Variants in IGF1R observed in about 807,000 individuals in gnomAD.
IGF1R encodes insulin like growth factor 1 receptor, also known as insulin-like growth factor 1 receptor.
In IGF1R, 44 loss-of-function variants were observed where a neutral mutation model predicts 144.6. The observed-to-expected ratio is 0.30, with a 90% CI of 0.24 to 0.39. The LOEUF is 0.39. Among genes scored for constraint, IGF1R ranks in the 10% least tolerant of loss-of-function variants. The pLI, the probability that IGF1R is intolerant of heterozygous loss-of-function variation, is 1.00. For synonymous variants in IGF1R, 795 were observed against 722.8 expected (o/e 1.10, Z -1.60); for missense variants, 1,355 against 1,833.7 (o/e 0.74, Z 4.77).
At chr15:98,790,101 G>C (rs950338394) in intron 2 of IGF1R, among the ~76,000 whole-genome samples, 10 of 152,168 alleles carry the variant, frequency 6.6e-5, no homozygotes, top group African/African-American at 2.2e-4. Context: ...AAAGAGGCCG[G>C]GACAGGTGAT....
chr15:98,860,885 T>C (rs1009129578), intron 2 of IGF1R, among the ~76,000 whole-genome samples: 1 of 152,194 alleles, frequency 6.6e-6, no homozygotes, highest in African/African-American at 2.4e-5. Flanking sequence ...TAAGAGTAAA[T>C]AGGCAGTAAG....
At chr15:98,878,949 T>C (rs1021437940) in intron 2 of IGF1R, among the ~76,000 whole-genome samples, 23 of 152,102 alleles carry the variant, frequency 1.5e-4, no homozygotes, top group African/African-American at 5.3e-4. Flanking sequence ...TGAGCCGAAA[T>C]TGTGCCATTG....
At chr15:98,657,926 G>T (rs1036900085) in intron 1 of IGF1R, among the ~76,000 whole-genome samples, 1 of 152,190 alleles carries the variant, frequency 6.6e-6, no homozygotes, top group Non-Finnish European at 1.5e-5. Context: ...GCCTGGTCCA[G>T]TGCAGACCTG....
chr15:98,926,654 G>C (rs1303354715), intron 13 of IGF1R, among the ~76,000 whole-genome samples: 1 of 152,186 alleles, frequency 6.6e-6, no homozygotes, highest in African/African-American at 2.4e-5. Context: ...TAATCTGTTT[G>C]TGATATCTGA....
intron 2 of IGF1R, among the ~76,000 whole-genome samples, chr15:98,846,914 G>A (rs1333687140): frequency 1.3e-5 from 2 of 152,120 alleles, no homozygotes; most frequent in East Asian, 1.9e-4. Flanking sequence ...TCCTTGACCC[G>A]GGAATATAGT....
At chr15:98,868,777 C>G (rs1302444101) in intron 2 of IGF1R, among the ~76,000 whole-genome samples, 1 of 152,200 alleles carries the variant, frequency 6.6e-6, no homozygotes, top group Non-Finnish European at 1.5e-5. Context: ...GTATGCCAAG[C>G]GCTTAGCACG....
intron 1 of IGF1R, among the ~76,000 whole-genome samples, chr15:98,698,272 C>T (rs1200348408): frequency 3.3e-5 from 5 of 151,010 alleles, no homozygotes; most frequent in African/African-American, 1.2e-4. Flanking sequence ...CTCCTGACCT[C>T]GTGATCCGCC....
chr15:98,879,176 ATC>A (rs1220094434), intron 2 of IGF1R, among the ~76,000 whole-genome samples: 2 of 152,184 alleles, frequency 1.3e-5, no homozygotes, highest in Non-Finnish European at 2.9e-5. Context: ...ATTATAACTT[ATC>A]TCTCTTTCCC....
intron 2 of IGF1R, among the ~76,000 whole-genome samples, chr15:98,849,078 TAAAACA>T (rs1281578093): frequency 6.6e-6 from 1 of 152,144 alleles, no homozygotes. Context: ...AGGTTATCAT[TAAAACA>T]AAAACAAACA....
rs371324340 is a variant in IGF1R, at chr15:98,840,677, G to T, written c.641-50648G>T. ...AGGCGGGGTTTTTGTTTTTTGTTTT[G>T]TTTTTTTTTTTTTTTTGAGGTGGAG... On this transcript the variant is annotated intron_variant, in intron 2 of 20. Coordinates refer to ENST00000650285, the MANE Select transcript of IGF1R (RefSeq NM_000875.5). Among the ~76,000 whole-genome samples, 132 of 131,238 alleles carry T rather than the reference G, an allele frequency of 1.0e-3. 2 individuals are homozygous for T. Among genetic ancestry groups the T allele is most frequent in the Admixed American group, 5.0e-3 (65 of 12,974 alleles). The allele number at this position is 131,238 out of a possible 152,430, so 86.1% of individuals were successfully genotyped here. A position where few individuals can be genotyped will look rare whatever the true frequency, so the allele number is the denominator to read the frequency against.
chr15:98,686,616 CATT>C (rs1254699448), intron 1 of IGF1R, among the ~76,000 whole-genome samples: 2 of 151,618 alleles, frequency 1.3e-5, no homozygotes, highest in African/African-American at 4.8e-5. Context: ...GGTGGTATCT[CATT>C]ATGGTTTTGA....
intron 2 of IGF1R, among the ~76,000 whole-genome samples, chr15:98,867,682 A>T (rs1223297068): frequency 6.6e-6 from 1 of 152,216 alleles, no homozygotes; most frequent in Non-Finnish European, 1.5e-5. Context: ...GACATGCCTT[A>T]CAAACGGGTA....
chr15:98,720,263 G>A (rs986322110), intron 2 of IGF1R, among the ~76,000 whole-genome samples: 8 of 152,148 alleles, frequency 5.3e-5, no homozygotes, highest in Non-Finnish European at 7.4e-5. Context: ...CTTCATGATC[G>A]GGGGAATTTG....
At chr15:98,790,256 C>A (rs904090903) in intron 2 of IGF1R, among the ~76,000 whole-genome samples, 2 of 152,092 alleles carry the variant, frequency 1.3e-5, no homozygotes, top group African/African-American at 4.8e-5. Flanking sequence ...GTGGCCTGGG[C>A]AACTTGTGTC....
chr15:98,698,946 A>G (rs2053661156), intron 1 of IGF1R, among the ~76,000 whole-genome samples: 1 of 152,214 alleles, frequency 6.6e-6, no homozygotes, highest in Admixed American at 6.5e-5. Flanking sequence ...GGCAAGGTAA[A>G]GTGCTTTTGA....
intron 5 of IGF1R, among the ~76,000 whole-genome samples, chr15:98,901,730 A>G (rs1187165227): frequency 6.6e-6 from 1 of 152,210 alleles, no homozygotes; most frequent in Admixed American, 6.5e-5. Context: ...CAGATACCTG[A>G]GAAGATCAGA....
intron 2 of IGF1R, among the ~76,000 whole-genome samples, chr15:98,723,486 A>G (rs371190488): frequency 6.6e-6 from 1 of 152,284 alleles, no homozygotes; most frequent in Non-Finnish European, 1.5e-5. Flanking sequence ...AATTGATTGC[A>G]TCTTTCAGCT....
chr15:98,828,975 G>A (rs1157490061), intron 2 of IGF1R, among the ~76,000 whole-genome samples: 1 of 152,024 alleles, frequency 6.6e-6, no homozygotes, highest in Non-Finnish European at 1.5e-5. Context: ...GCCCTCCGAA[G>A]CACTCAGTTA....
At chr15:98,846,960 A>G (rs1209242485) in intron 2 of IGF1R, among the ~76,000 whole-genome samples, 1 of 152,158 alleles carries the variant, frequency 6.6e-6, no homozygotes, top group Non-Finnish European at 1.5e-5. Context: ...TTCATCAGAC[A>G]AAGGCGGAAC....
Sources: gnomAD v4.1 joint callset for allele counts (sites outside exome capture counted in the v4.1 genomes callset) on GRCh38, gnomAD v4.1.1 for gene constraint, MANE v1.5 for transcripts, NCBI Gene and HGNC (gene_info 2026-07-23, HGNC 2026-07-21) for gene names.